BMPR1A: variants seen among roughly 807,000 people sequenced by gnomAD.
BMPR1A encodes bone morphogenetic protein receptor type-1A.
A neutral mutation model predicts 66.0 loss-of-function variants in BMPR1A; 7 were observed. The ratio of observed to expected loss-of-function variants is 0.11; its 90% CI spans 0.06 to 0.20. The LOEUF (loss-of-function observed/expected upper bound fraction) is 0.20, where lower values mean the gene tolerates loss of function less well. Ranked by LOEUF, BMPR1A falls within the 10% of genes least tolerant of loss-of-function variation. The pLI is 1.00. For missense variants in BMPR1A, 408 were observed against 669.1 expected (o/e 0.61, Z 4.31); for synonymous variants, 200 against 229.7 (o/e 0.87, Z 1.17).
intron 1 of BMPR1A, among the ~76,000 whole-genome samples, chr10:86,832,326 T>C (rs888531610): frequency 1.3e-5 from 2 of 151,800 alleles, no homozygotes; most frequent in African/African-American, 4.8e-5. Context: ...GTTAGCTGAG[T>C]GTGATGGCAC....
At chr10:86,810,229 C>T (rs568594758) in intron 1 of BMPR1A, among the ~76,000 whole-genome samples, 1 of 152,288 alleles carries the variant, frequency 6.6e-6, no homozygotes, top group East Asian at 1.9e-4. Flanking sequence ...GATCCACCCG[C>T]CTCAGTCTCC....
At chr10:86,862,202 T>G (rs879757763) in intron 2 of BMPR1A, among the ~76,000 whole-genome samples, 1 of 151,472 alleles carries the variant, frequency 6.6e-6, no homozygotes, top group Non-Finnish European at 1.5e-5. Flanking sequence ...AGGAGAGGAG[T>G]GCTAGGCATG....
intron 1 of BMPR1A, among the ~76,000 whole-genome samples, chr10:86,767,841 G>A (rs1404056086): frequency 6.6e-6 from 1 of 152,172 alleles, no homozygotes; most frequent in African/African-American, 2.4e-5. Flanking sequence ...AAGCAGGGAA[G>A]ATGGTCTCTT....
chr10:86,846,859 C>A (rs17096239), intron 2 of BMPR1A, among the ~76,000 whole-genome samples: 4,717 of 152,274 alleles, frequency 0.031, 162 homozygotes, highest in African/African-American at 0.085. Flanking sequence ...GTCCCACTCT[C>A]TTCCATTCAG....
chr10:86,841,949 T>C (rs556290039), intron 2 of BMPR1A, among the ~76,000 whole-genome samples: 2 of 152,334 alleles, frequency 1.3e-5, no homozygotes, highest in East Asian at 3.9e-4. Context: ...CCTGTACATC[T>C]CTTTATCTGT....
chr10:86,882,352 G>C (rs546762197), intron 3 of BMPR1A, among the ~76,000 whole-genome samples: 2 of 152,062 alleles, frequency 1.3e-5, no homozygotes, highest in African/African-American at 2.4e-5. Context: ...GAACCAGGGA[G>C]GTGGAGGTTG....
intron 5 of BMPR1A, among the ~76,000 whole-genome samples, chr10:86,892,817 C>T (rs1437388149): frequency 2.7e-5 from 4 of 148,348 alleles, no homozygotes; most frequent in Admixed American, 6.8e-5. Context: ...TAGCCGAGAT[C>T]GTTCCACGGT....
chr10:86,873,135 A>G (rs547641381), intron 2 of BMPR1A, among the ~76,000 whole-genome samples: 2 of 152,274 alleles, frequency 1.3e-5, no homozygotes, highest in East Asian at 1.9e-4. Flanking sequence ...AAGGCCACAT[A>G]TTAGCTTTAA....
intron 1 of BMPR1A, among the ~76,000 whole-genome samples, chr10:86,801,185 G>C (rs947945969): frequency 6.6e-6 from 1 of 152,184 alleles, no homozygotes; most frequent in African/African-American, 2.4e-5. Flanking sequence ...TGTCACCCAG[G>C]CTGGAGTGCA....
chr10:86,815,832 G>A (rs117156412), intron 1 of BMPR1A, among the ~76,000 whole-genome samples: 2,391 of 152,268 alleles, frequency 0.016, 38 homozygotes, highest in South Asian at 0.079. Context: ...GCTCCTTGAT[G>A]TTAGATGGGA....
At chr10:86,884,988 C>T (rs931396064) in intron 3 of BMPR1A, among the ~76,000 whole-genome samples, 1 of 152,190 alleles carries the variant, frequency 6.6e-6, no homozygotes, top group Admixed American at 6.5e-5. Context: ...TAATCATTCA[C>T]ATATCCTATC....
intron 1 of BMPR1A, among the ~76,000 whole-genome samples, chr10:86,764,943 G>T (rs1310805759): frequency 1.3e-5 from 2 of 152,160 alleles, no homozygotes; most frequent in Non-Finnish European, 2.9e-5. Context: ...ACTGATTTTG[G>T]CCGGGCATGG....
At position 86,778,213 on chromosome 10, in the gene BMPR1A, A is replaced by C. The variant is rs544752486; in HGVS notation, c.-268+21294A>C. ...ACACAAATTCCTAAACTTTCTTAAA[A>C]CATGAGATTTTTTTTGCAATTTTTT... On this transcript the variant is annotated intron_variant, in intron 1 of 12. Transcript: ENST00000372037. Among the ~76,000 whole-genome samples, 10 of 150,316 alleles carry C rather than the reference A, an allele frequency of 6.7e-5. No individual in the cohort carries two copies. The East Asian group carries it at 1.7e-3, about 26-fold the overall frequency.
intron 1 of BMPR1A, among the ~76,000 whole-genome samples, chr10:86,791,256 A>C (rs555539406): frequency 6.8e-6 from 1 of 147,726 alleles, no homozygotes; most frequent in Non-Finnish European, 1.5e-5. Context: ...TCTGTTTCCC[A>C]GGCTGGAGTG....
chr10:86,892,623 T>C (rs1843168854), intron 5 of BMPR1A, among the ~76,000 whole-genome samples: 1 of 151,988 alleles, frequency 6.6e-6, no homozygotes, highest in Non-Finnish European at 1.5e-5. Context: ...GAGACAAGGT[T>C]TTACCATGTT....
At position 86,790,935 on chromosome 10, in the gene BMPR1A, G is replaced by C. The variant is rs375260905; in HGVS notation, c.-268+34016G>C. 3.3e-5 allele frequency among the ~76,000 whole-genome samples: 5 copies of C among 152,228 alleles called. No homozygotes were observed. The East Asian group carries it at 7.7e-4, about 24-fold the overall frequency. On this transcript the variant is annotated intron_variant, in intron 1 of 12. Coordinates refer to ENST00000372037, the MANE Select transcript of BMPR1A (RefSeq NM_004329.3). ...CCCCAAAGTGGTGATTCCAAATATTGGTTTTAGTGTTAAGAAAATGAATGG... is the reference window on the plus strand; with the variant it reads ...CCCCAAAGTGGTGATTCCAAATATTCGTTTTAGTGTTAAGAAAATGAATGG...
chr10:86,778,951 A>T, intron 1 of BMPR1A, among the ~76,000 whole-genome samples: 1 of 137,238 alleles, frequency 7.3e-6, no homozygotes, highest in East Asian at 2.1e-4. Context: ...TTTTTTAAGT[A>T]GAGATGGGGT....
intron 1 of BMPR1A, among the ~76,000 whole-genome samples, chr10:86,821,555 C>G (rs895752854): frequency 2.0e-5 from 3 of 152,088 alleles, no homozygotes; most frequent in Non-Finnish European, 4.4e-5. Context: ...CTAAGTTGCT[C>G]TCTAGAGAGG....
chr10:86,866,769 T>A (rs139645395), intron 2 of BMPR1A, among the ~76,000 whole-genome samples: 99 of 152,220 alleles, frequency 6.5e-4, no homozygotes, highest in African/African-American at 2.2e-3. Flanking sequence ...GTTTCCTGTT[T>A]AACATATGTG....
Sources: gnomAD v4.1 joint callset for allele counts (sites outside exome capture counted in the v4.1 genomes callset) on GRCh38, gnomAD v4.1.1 for gene constraint, MANE v1.5 for transcripts, NCBI Gene and HGNC (gene_info 2026-07-23, HGNC 2026-07-21) for gene names.